The following EPHA3 variants were observed in gnomAD, a reference collection of about 807,000 sequenced individuals.
EPHA3 encodes EPH receptor A3, also known as ephrin type-A receptor 3.
In EPHA3, 42 loss-of-function variants were observed where a neutral mutation model predicts 107.1. The observed-to-expected ratio is 0.39, with a 90% CI of 0.31 to 0.51. The LOEUF is 0.51. EPHA3 is among the 20% of genes least tolerant of loss of function. The pLI is 0.78. For missense variants in EPHA3, 1,183 were observed against 1,211.2 expected, an observed-to-expected ratio of 0.98 and a Z score of 0.35; for synonymous variants, 461 against 424.8, an observed-to-expected ratio of 1.09 and a Z score of -1.05.
chr3:89,373,247 C>T (rs1033258555), intron 5 of EPHA3, among the ~76,000 whole-genome samples: 2 of 151,628 alleles, frequency 1.3e-5, no homozygotes, highest in African/African-American at 4.8e-5. Flanking sequence ...TGTTTTTTGT[C>T]ATCCCATTTA....
intron 1 of EPHA3, among the ~76,000 whole-genome samples, chr3:89,109,373 CTT>C (rs1707046235): frequency 6.6e-6 from 1 of 151,854 alleles, no homozygotes; most frequent in African/African-American, 2.4e-5. Context: ...ATAAATTAAA[CTT>C]AATGTTTTAA....
chr3:89,250,676 G>T (rs1277966537), intron 3 of EPHA3, among the ~76,000 whole-genome samples: 1 of 152,178 alleles, frequency 6.6e-6, no homozygotes, highest in East Asian at 1.9e-4. Context: ...AACTACATCA[G>T]AATTTCCTTA....
At position 89,342,045 on chromosome 3, in the gene EPHA3, C is replaced by T. The variant is rs759709969; in HGVS notation, c.1261C>T (p.Pro421Ser). 11 of 1,611,222 alleles carry T rather than the reference C, an allele frequency of 6.8e-6. No individual in the cohort carries two copies. The highest frequency in any genetic ancestry group is 1.1e-5 in the South Asian group (1 of 90,764). The change falls in exon 5 of 17, where the codon CCA becomes TCA. Residue 421 changes from proline (P) to serine (S), a missense_variant. Pro to Ser is a moderately conservative substitution (Grantham distance 74). Transcript: ENST00000336596. ...AVNGVSELSSPPRQFAAVSIT... is the reference protein window; with the variant it reads ...AVNGVSELSSSPRQFAAVSIT... Reference sequence around the variant, plus strand: ...TAATGGGGTGTCAGAGCTGAGCTCCCCACCAAGACAGTTTGCTGCGGTCAG... The same window carrying T: ...TAATGGGGTGTCAGAGCTGAGCTCCTCACCAAGACAGTTTGCTGCGGTCAG...
At chr3:89,316,728 G>C (rs1403599585) in intron 3 of EPHA3, among the ~76,000 whole-genome samples, 1 of 150,990 alleles carries the variant, frequency 6.6e-6, no homozygotes, top group Non-Finnish European at 1.5e-5. Context: ...ACATACTGGA[G>C]AGTTACCTTA....
intron 8 of EPHA3, 100 bp from the exon 9 acceptor site, chr3:89,407,967 G>A: frequency 2.6e-6 from 3 of 1,142,178 alleles, no homozygotes; most frequent in Non-Finnish European, 3.8e-6. Context: ...TTAATTGTTT[G>A]AGGAAAATGT....
At position 89,429,089 on chromosome 3, in the gene EPHA3, A is replaced by G. The variant is rs1383134650; in HGVS notation, c.2075-17A>G. 1.3e-6 allele frequency: 2 copies of G among 1,549,350 alleles called. No homozygotes were observed. Among genetic ancestry groups the G allele is most frequent in the African/African-American group, 1.4e-5 (1 of 73,618 alleles). ...TGAACTGTACTGATTATTATTTATT[A>G]TTTACTGTATATCTAGGTAAGCCAG... On this transcript the variant is annotated splice_polypyrimidine_tract_variant and intron_variant, in intron 11 of 16. Transcript: ENST00000336596.
chr3:89,114,805 G>A (rs956111216), intron 1 of EPHA3, among the ~76,000 whole-genome samples: 1 of 152,242 alleles, frequency 6.6e-6, no homozygotes, highest in Non-Finnish European at 1.5e-5. Context: ...TGCTGGCACT[G>A]GGAGAGCACG....
At chr3:89,439,074 T>C (rs1709730889) in intron 13 of EPHA3, among the ~76,000 whole-genome samples, 1 of 152,308 alleles carries the variant, frequency 6.6e-6, no homozygotes, top group African/African-American at 2.4e-5. Context: ...TGCAATTTTA[T>C]ATAGGATCGT....
intron 5 of EPHA3, among the ~76,000 whole-genome samples, chr3:89,389,793 A>C (rs1233173913): frequency 6.6e-6 from 1 of 152,230 alleles, no homozygotes; most frequent in Non-Finnish European, 1.5e-5. Context: ...ATCCCTAACC[A>C]GATCCCTTCA....
chr3:89,449,180 T>A (rs2107553054), intron 13 of EPHA3, 45 bp from the exon 14 acceptor site: 2 of 1,545,394 alleles, frequency 1.3e-6, no homozygotes, highest in South Asian at 2.5e-5. Context: ...ATATTATATG[T>A]TCTATGCATT....
rs562030744 is a variant in EPHA3 at position 89,448,796 on chromosome 3, C to T, written c.2347-429C>T. Reference sequence around the variant, plus strand: ...GAGTGGTCTAAGTTCTTTACAAATACTGACTTATTCACATTCTGAACTTCG... The same window carrying T: ...GAGTGGTCTAAGTTCTTTACAAATATTGACTTATTCACATTCTGAACTTCG... On this transcript the variant is annotated intron_variant, in intron 13 of 16. Coordinates refer to ENST00000336596, the MANE Select transcript of EPHA3 (RefSeq NM_005233.6). Among the ~76,000 whole-genome samples the T allele has an allele frequency of 2.0e-5, 3 of 152,188 alleles. No individual in the cohort carries two copies. In the East Asian group the frequency reaches 5.8e-4, roughly 30 times the overall value.
intron 15 of EPHA3, among the ~76,000 whole-genome samples, chr3:89,467,087 A>G (rs928116850): frequency 1.3e-5 from 2 of 152,118 alleles, no homozygotes; most frequent in African/African-American, 4.8e-5. Flanking sequence ...AATTAAATTC[A>G]TTTTATCGTA....
At chr3:89,271,846 C>T (rs1466768782) in intron 3 of EPHA3, among the ~76,000 whole-genome samples, 3 of 151,906 alleles carry the variant, frequency 2.0e-5, no homozygotes, top group Non-Finnish European at 2.9e-5. Context: ...TTGAACTTCA[C>T]GGTTTCACTT....
In EPHA3 at chr3:89,352,249, G is replaced by A. The variant is rs73846144; in HGVS notation, c.1306+10159G>A. On this transcript the variant is annotated intron_variant, in intron 5 of 16. Transcript: ENST00000336596. ...CTCCTTCTTTTCCCCTTAGATAAAC[G>A]CCTTCCTTTCTTCTGGCTGAAAATT... Among the ~76,000 whole-genome samples, 91 of 151,212 alleles carry A rather than the reference G, an allele frequency of 6.0e-4. 1 individual carries two copies. In the South Asian group the frequency reaches 0.017, roughly 28 times the overall value.
intron 3 of EPHA3, among the ~76,000 whole-genome samples, chr3:89,268,552 G>C (rs1226145229): frequency 6.6e-6 from 1 of 150,938 alleles, no homozygotes; most frequent in East Asian, 1.9e-4. Context: ...TTTTTTTTAA[G>C]CCACCAACAA....
intron 5 of EPHA3, among the ~76,000 whole-genome samples, chr3:89,387,937 GTCTTTAGAAAAGACTAA>G (rs1292717219): frequency 6.6e-6 from 1 of 151,930 alleles, no homozygotes; most frequent in Non-Finnish European, 1.5e-5. Flanking sequence ...TGGAGTTTTA[GTCTTTAGAAAAGACTAA>G]ATCTTGTGTA....
At position 89,112,451 on chromosome 3, in the gene EPHA3, G is replaced by C. The variant is rs1414014772; in HGVS notation, c.88+4615G>C. 1.2e-4 allele frequency among the ~76,000 whole-genome samples: 18 copies of C among 151,758 alleles called. No individual in the cohort carries two copies. In the East Asian group the frequency reaches 3.5e-3, roughly 29 times the overall value. ...ATTCAAACTTTGGTGTGTTCCTTAA[G>C]GGTCCGACCATTTTTAATACTTTTC... is the stretch of plus-strand genomic sequence containing the variant. On this transcript the variant is annotated intron_variant, in intron 1 of 16. Transcript: ENST00000336596.
At chr3:89,341,257 T>A (rs1342321707) in intron 4 of EPHA3, among the ~76,000 whole-genome samples, 186 bp downstream of exon 4, 1 of 152,164 alleles carries the variant, frequency 6.6e-6, no homozygotes, top group Non-Finnish European at 1.5e-5. Context: ...TCACACAAAA[T>A]GAATTAAATT....
At chr3:89,245,317 A>G (rs1705005494) in intron 3 of EPHA3, among the ~76,000 whole-genome samples, 1 of 152,192 alleles carries the variant, frequency 6.6e-6, no homozygotes. Flanking sequence ...ACTTGAAGGA[A>G]CAAGAGTAGA....
Sources: gnomAD v4.1 joint callset for allele counts (sites outside exome capture counted in the v4.1 genomes callset) on GRCh38, gnomAD v4.1.1 for gene constraint, MANE v1.5 for transcripts, NCBI Gene and HGNC (gene_info 2026-07-23, HGNC 2026-07-21) for gene names.